TLR3: variants seen among roughly 807,000 people sequenced by gnomAD.
The protein encoded by TLR3 is toll like receptor 3.
TLR3 carries 43 observed loss-of-function variants against 66.4 expected under a neutral mutation model. The ratio of observed to expected loss-of-function variants is 0.65; its 90% confidence interval spans 0.51 to 0.83. The LOEUF (loss-of-function observed/expected upper bound fraction) is 0.83. Ranked by LOEUF, TLR3 falls within the 40% of genes least tolerant of loss-of-function variation. The pLI is 0.00. For missense variants in TLR3, 982 were observed against 1,044.6 expected, an observed-to-expected ratio of 0.94 and a Z score of 0.83; for synonymous variants, 397 against 397.2, an observed-to-expected ratio of 1.00 and a Z score of 0.01.
At chr4:186,072,599 T>C (rs2099301682) in intron 1 of TLR3, among the ~76,000 whole-genome samples, 4 of 152,290 alleles carry the variant, frequency 2.6e-5, no homozygotes, top group Admixed American at 2.0e-4. Context: ...CGTGAGCCAC[T>C]GCGCCCAACC....
At position 186,086,487 on chromosome 4, in the gene TLR3, A is replaced by G. The variant is rs1323166315; in HGVS notation, c.*1614A>G. On this transcript the variant is annotated 3_prime_UTR_variant, in exon 5 of 5. Coordinates refer to ENST00000296795, the MANE Select transcript of TLR3 (RefSeq NM_003265.3). ...GAGTCTATAGTCGGCCAACACTGTG[A>G]ATGTGTGGAGGACTAATTGTCACTT... The G allele has an allele frequency of 6.6e-6, 1 of 152,238 alleles. No individual in the cohort carries two copies. The highest frequency in any genetic ancestry group is 1.9e-4 in the East Asian group (1 of 5,202). The allele number at this position is 152,238 out of a possible 1,614,324, so 9.4% of individuals were successfully genotyped here. A position where few individuals can be genotyped will look rare whatever the true frequency, so the allele number is the denominator to read the frequency against.
intron 1 of TLR3, among the ~76,000 whole-genome samples, chr4:186,073,457 CT>C (rs1165597274): frequency 6.6e-6 from 1 of 151,896 alleles, no homozygotes; most frequent in Non-Finnish European, 1.5e-5. Flanking sequence ...GAGGTGGAGA[CT>C]GCAGTGAGCC....
chr4:186,079,226 T>C (rs1346161763), intron 3 of TLR3, among the ~76,000 whole-genome samples, 195 bp downstream of exon 3: 1 of 152,164 alleles, frequency 6.6e-6, no homozygotes, highest in Non-Finnish European at 1.5e-5. Flanking sequence ...GAGACGGGAC[T>C]CTGCCGCCCT....
At position 186,082,340 on chromosome 4, in the gene TLR3, C is replaced by T. The variant is rs147883628; in HGVS notation, c.654C>T (p.His218=). 5.6e-6 allele frequency: 9 copies of T among 1,599,160 alleles called. No homozygotes were observed. Among genetic ancestry groups the T allele is most frequent in the East Asian group, 4.6e-5 (2 of 43,524 alleles). The change falls in exon 4 of 5, where the codon CAC becomes CAT. Residue 218 remains histidine (H), a synonymous_variant. Transcript: ENST00000296795. ...QIKEFSPGCF[H]AIGRLFGLFL... ...TTTAGTTTTCTCCAGGGTGTTTTCACGCAATTGGAAGATTATTTGGCCTCT... is the reference window on the plus strand; with the variant it reads ...TTTAGTTTTCTCCAGGGTGTTTTCATGCAATTGGAAGATTATTTGGCCTCT...
intron 1 of TLR3, among the ~76,000 whole-genome samples, chr4:186,076,023 G>A (rs866731577): frequency 2.0e-5 from 3 of 151,602 alleles, no homozygotes; most frequent in Admixed American, 1.3e-4. Flanking sequence ...GTGTGGTGGC[G>A]GGTGCCTGTA....
intron 3 of TLR3, among the ~76,000 whole-genome samples, chr4:186,080,591 AT>A (rs1487134191): frequency 3.3e-5 from 5 of 151,704 alleles, no homozygotes; most frequent in African/African-American, 9.7e-5. Flanking sequence ...ATTTTATTTT[AT>A]TTTATTTTAT....
intron 3 of TLR3, among the ~76,000 whole-genome samples, chr4:186,079,859 T>C (rs1033754876): frequency 6.6e-6 from 1 of 152,170 alleles, no homozygotes; most frequent in Non-Finnish European, 1.5e-5. Flanking sequence ...AAAGGCTTGC[T>C]GGGGATTTTA....
Position 186,085,854 on chromosome 4 carries a change from G to T in TLR3, c.*981G>T, listed in dbSNP as rs765087034. On this transcript the variant is annotated 3_prime_UTR_variant, in exon 5 of 5. Transcript: ENST00000296795. ...AGACTATTTTTATTTTTGTTTTTTT[G>T]TTTGTTTGTTTTTTATTTGTTTGTT... The T allele has an allele frequency of 1.3e-5, 2 of 151,898 alleles. No homozygotes were observed. The highest frequency in any genetic ancestry group is 2.9e-5 in the Non-Finnish European group (2 of 67,974). The allele number at this position is 151,898 out of a possible 1,614,324, so 9.4% of individuals were successfully genotyped here. A position where few individuals can be genotyped will look rare whatever the true frequency, so the allele number is the denominator to read the frequency against.
intron 1 of TLR3, among the ~76,000 whole-genome samples, chr4:186,075,650 C>A (rs530526741): frequency 1.5e-3 from 233 of 151,774 alleles, no homozygotes; most frequent in Non-Finnish European, 2.8e-3. Flanking sequence ...TAAATAAATA[C>A]AAATAATTTT....
chr4:186,070,629 C>T (rs1487537787), intron 1 of TLR3, among the ~76,000 whole-genome samples: 1 of 152,044 alleles, frequency 6.6e-6, no homozygotes, highest in Non-Finnish European at 1.5e-5. Context: ...CTCAAGGGAT[C>T]CTCCAGCCTC....
chr4:186,076,528 T>C (rs1247016114), intron 1 of TLR3, 85 bp from the exon 2 acceptor site: 12 of 1,278,552 alleles, frequency 9.4e-6, no homozygotes, highest in Non-Finnish European at 1.4e-5. Context: ...ATTTTGGTGA[T>C]ATATTTTACA....
chr4:186,075,105 G>A (rs984355858), intron 1 of TLR3, among the ~76,000 whole-genome samples: 3 of 152,052 alleles, frequency 2.0e-5, no homozygotes, highest in African/African-American at 4.8e-5. Flanking sequence ...ACATAAATCA[G>A]TAACATTCAT....
intron 1 of TLR3, among the ~76,000 whole-genome samples, chr4:186,076,084 G>A (rs981596432): frequency 1.3e-5 from 2 of 152,016 alleles, no homozygotes; most frequent in Non-Finnish European, 2.9e-5. Context: ...AACCCAGAAG[G>A]TGAAGGTTGC....
intron 3 of TLR3, among the ~76,000 whole-genome samples, chr4:186,080,684 C>G (rs765584132): frequency 6.6e-6 from 1 of 152,040 alleles, no homozygotes; most frequent in Non-Finnish European, 1.5e-5. Context: ...CTCCGACTCC[C>G]GGGTTCAAGC....
Position 186,078,935 on chromosome 4 carries a change from A to C in TLR3, c.537A>C (p.Ser179=), listed in dbSNP as rs749564492. The change falls in exon 3 of 5, where the codon TCA becomes TCC. Residue 179 remains serine, a synonymous_variant. Transcript: ENST00000296795. ...QLENLQELLL[S]NNKIQALKSE... Reference sequence around the variant, plus strand: ...AAAATCTCCAAGAGCTTCTATTATCAAACAATAAAATTCAAGCGCTAAAAA... The same window carrying C: ...AAAATCTCCAAGAGCTTCTATTATCCAACAATAAAATTCAAGCGCTAAAAA... 1.2e-6 allele frequency: 2 copies of C among 1,613,952 alleles called. No individual in the cohort carries two copies. Among genetic ancestry groups the C allele is most frequent in the South Asian group, 1.1e-5 (1 of 90,994 alleles).
At position 186,083,296 on chromosome 4, in the gene TLR3, T is replaced by C; in HGVS notation, c.1610T>C (p.Leu537Ser). The C allele has an allele frequency of 1.2e-6, 2 of 1,614,206 alleles. No individual in the cohort carries two copies. The highest frequency in any genetic ancestry group is 1.7e-6 in the Non-Finnish European group (2 of 1,180,046). The change falls in exon 4 of 5, where the codon TTG becomes TCG. Residue 537 changes from leucine to serine, a missense_variant. This residue lies in a region of TLR3 where 666 missense variants were observed against 709.0 expected (regional missense o/e 0.94). Transcript: ENST00000296795. This position sits in a 1 kb window ranked among gnomAD's most constrained non-coding sequence, Gnocchi z 4.0. Reference protein sequence around the residue: ...EGLEKLEILDLQHNNLARLWK... With the variant: ...EGLEKLEILDSQHNNLARLWK... ...CTTGAGAAACTAGAAATTCTCGATT[T>C]GCAGCATAACAACTTAGCACGGCTC...
In TLR3 at chr4:186,076,796, C is replaced by T. The variant is rs768368875; in HGVS notation, c.177C>T (p.Thr59=). ...LPTNITVLNL[T]HNQLRRLPAA... The stretch of plus-strand genomic sequence containing the variant: ...CAAACATAACAGTGTTGAACCTTAC[C>T]CATAATCAACTCAGAAGATTACCAG... Residue 59 remains threonine, a synonymous_variant, in exon 2 of 5, where the codon ACC becomes ACT. Transcript: ENST00000296795. The T allele has an allele frequency of 2.5e-6, 4 of 1,614,088 alleles. No individual in the cohort carries two copies. Among genetic ancestry groups the T allele is most frequent in the Admixed American group, 3.3e-5 (2 of 60,004 alleles).
intron 3 of TLR3, among the ~76,000 whole-genome samples, chr4:186,080,185 C>G (rs1264811624): frequency 6.6e-6 from 1 of 150,768 alleles, no homozygotes; most frequent in South Asian, 2.1e-4. Context: ...AATTACAACT[C>G]TATTTTTTTT....
intron 3 of TLR3, among the ~76,000 whole-genome samples, chr4:186,079,728 G>C (rs1488535889): frequency 6.6e-6 from 1 of 152,086 alleles, no homozygotes. Flanking sequence ...GTGGCACAGG[G>C]GTAAAAGAAT....
Sources: allele counts gnomAD v4.1 joint callset (sites outside exome capture counted in the v4.1 genomes callset), GRCh38; gene constraint gnomAD v4.1.1; regional missense constraint gnomAD v4.1.1; non-coding constraint Gnocchi (gnomAD v3.1); transcripts MANE v1.5; gene names NCBI Gene and HGNC (gene_info 2026-07-23, HGNC 2026-07-21).